Variants in KLHL1 observed in about 807,000 individuals in gnomAD.
KLHL1 encodes the protein kelch-like protein 1.
Under a neutral mutation model 77.7 loss-of-function variants are expected in KLHL1, and 47 were observed. That is an observed-to-expected ratio of 0.60 (90% CI 0.48 to 0.77). The LOEUF is 0.77. KLHL1 is among the 30% of genes least tolerant of loss of function. The pLI is 0.00. For synonymous variants in KLHL1, 360 were observed against 325.2 expected, an observed-to-expected ratio of 1.11 and a Z score of -1.15; for missense variants, 925 against 910.8, an observed-to-expected ratio of 1.02 and a Z score of -0.20.
rs539826923 is a variant in KLHL1 at position 69,971,804 on chromosome 13, T to C, written c.680+3816A>G. On this transcript the variant is annotated intron_variant, in intron 2 of 10. Transcript: ENST00000377844. Reference sequence around the variant, plus strand: ...ATTGAAAACTCTACAAGGAAAAACATTATGTTTTATAATCATTATGCATCA... The same window carrying C: ...ATTGAAAACTCTACAAGGAAAAACACTATGTTTTATAATCATTATGCATCA... Among the ~76,000 whole-genome samples, 5 of 152,176 alleles carry C rather than the reference T, an allele frequency of 3.3e-5. No homozygotes were observed. The East Asian group carries it at 9.7e-4, about 29-fold the overall frequency.
chr13:70,106,742 T>C (rs1056998236), intron 1 of KLHL1, among the ~76,000 whole-genome samples: 2 of 152,176 alleles, frequency 1.3e-5, no homozygotes, highest in African/African-American at 4.8e-5. Context: ...GTCCACCTCA[T>C]TACTCCTGGA....
At chr13:69,809,139 A>C (rs1593851067) in intron 6 of KLHL1, among the ~76,000 whole-genome samples, 1 of 152,158 alleles carries the variant, frequency 6.6e-6, no homozygotes, top group South Asian at 2.1e-4. Context: ...GACATATTTG[A>C]GGATATAACT....
At chr13:69,751,562 G>C (rs773079229) in intron 7 of KLHL1, among the ~76,000 whole-genome samples, 1 of 152,082 alleles carries the variant, frequency 6.6e-6, no homozygotes, top group African/African-American at 2.4e-5. Flanking sequence ...GTATTTCTGA[G>C]GAACTGAAAG....
At chr13:69,780,697 TA>T (rs1876106090) in intron 7 of KLHL1, among the ~76,000 whole-genome samples, 1 of 16,512 alleles carries the variant, frequency 6.1e-5, no homozygotes, top group Non-Finnish European at 1.0e-4. Flanking sequence ...TATATATATA[TA>T]TATGTATATA....
chr13:69,759,972 C>A (rs1385083016), intron 7 of KLHL1, among the ~76,000 whole-genome samples: 1 of 152,120 alleles, frequency 6.6e-6, no homozygotes, highest in Non-Finnish European at 1.5e-5. Flanking sequence ...GACTCAAACC[C>A]TCCTCTCTTC....
At chr13:69,895,771 G>A (rs1170686831) in intron 4 of KLHL1, among the ~76,000 whole-genome samples, 2 of 150,538 alleles carry the variant, frequency 1.3e-5, no homozygotes, top group South Asian at 2.1e-4. Flanking sequence ...CAGTGGTGTG[G>A]TCTCGGCTCA....
intron 5 of KLHL1, among the ~76,000 whole-genome samples, chr13:69,840,361 T>G (rs955008857): frequency 6.6e-6 from 1 of 151,824 alleles, no homozygotes. Flanking sequence ...GTAGTTGGGA[T>G]TACAGATGTG....
intron 1 of KLHL1, among the ~76,000 whole-genome samples, chr13:70,053,525 A>G (rs1886676704): frequency 6.6e-6 from 1 of 152,090 alleles, no homozygotes; most frequent in South Asian, 2.1e-4. Flanking sequence ...TAATTATAAT[A>G]CTCTTATGGA....
At chr13:70,050,676 TCTG>T (rs1297669859) in intron 1 of KLHL1, among the ~76,000 whole-genome samples, 1 of 152,024 alleles carries the variant, frequency 6.6e-6, no homozygotes, top group Non-Finnish European at 1.5e-5. Flanking sequence ...GATGCAAACT[TCTG>T]CTTCTGCATT....
At chr13:69,810,907 T>A (rs1485611017) in intron 6 of KLHL1, among the ~76,000 whole-genome samples, 1 of 151,726 alleles carries the variant, frequency 6.6e-6, no homozygotes, top group Non-Finnish European at 1.5e-5. Flanking sequence ...AAACACTACC[T>A]CCCAAGACTG....
intron 1 of KLHL1, among the ~76,000 whole-genome samples, chr13:70,047,640 T>C (rs1886534928): frequency 1.3e-5 from 2 of 152,190 alleles, no homozygotes; most frequent in Non-Finnish European, 2.9e-5. Flanking sequence ...TTTTAGTGAT[T>C]TCAGTTTAGC....
chr13:70,024,168 T>C (rs1422226169), intron 1 of KLHL1, among the ~76,000 whole-genome samples: 1 of 151,946 alleles, frequency 6.6e-6, no homozygotes, highest in Non-Finnish European at 1.5e-5. Context: ...TCTCAAAACC[T>C]TGAACCAAAC....
intron 1 of KLHL1, among the ~76,000 whole-genome samples, chr13:69,976,535 G>A (rs990914400): frequency 2.6e-5 from 4 of 152,070 alleles, no homozygotes; most frequent in African/African-American, 9.7e-5. Flanking sequence ...AGGGAAGACT[G>A]TTAATATTCA....
At chr13:69,990,382 G>C (rs1398881714) in intron 1 of KLHL1, among the ~76,000 whole-genome samples, 1 of 151,940 alleles carries the variant, frequency 6.6e-6, no homozygotes, top group East Asian at 1.9e-4. Context: ...TGGCAAGCTG[G>C]ATATAAAAGC....
At chr13:70,017,477 A>G (rs991332480) in intron 1 of KLHL1, among the ~76,000 whole-genome samples, 13 of 152,356 alleles carry the variant, frequency 8.5e-5, no homozygotes, top group African/African-American at 3.1e-4. Flanking sequence ...ACTCTGCTGC[A>G]GCAACTAGTG....
At chr13:70,084,454 T>C (rs1887470559) in intron 1 of KLHL1, among the ~76,000 whole-genome samples, 1 of 86,860 alleles carries the variant, frequency 1.2e-5, no homozygotes, top group Non-Finnish European at 2.4e-5. Flanking sequence ...CTAGTCTATT[T>C]CTTCTTCTTC....
chr13:69,946,298 C>T (rs1317878255), intron 3 of KLHL1, among the ~76,000 whole-genome samples: 1 of 151,922 alleles, frequency 6.6e-6, no homozygotes, highest in Non-Finnish European at 1.5e-5. Context: ...TCAAATTATA[C>T]ATTTTGTATA....
In KLHL1 at chr13:69,940,246, A is replaced by G. The variant is rs374230222; in HGVS notation, c.818-10T>C. The G allele has an allele frequency of 3.8e-6, 6 of 1,581,954 alleles. No homozygotes were observed. In the African/African-American group the frequency reaches 8.2e-5, roughly 22 times the overall value. On this transcript the variant is annotated splice_polypyrimidine_tract_variant and intron_variant, in intron 3 of 10. Transcript: ENST00000377844. ...TTTAATTCCAAGCAGCCTAAACATA[A>G]GCAAAGATAATTATGAAACTCTTTT...
chr13:69,754,252 G>A (rs973720129), intron 7 of KLHL1, among the ~76,000 whole-genome samples: 1 of 152,082 alleles, frequency 6.6e-6, no homozygotes, highest in Non-Finnish European at 1.5e-5. Context: ...CCAACTCTCT[G>A]AGAGTTGTAG....
Sources: allele counts gnomAD v4.1 joint callset (sites outside exome capture counted in the v4.1 genomes callset), GRCh38; gene constraint gnomAD v4.1.1; transcripts MANE v1.5; gene names NCBI Gene and HGNC (gene_info 2026-07-23, HGNC 2026-07-21).